XRCC4: variants seen among roughly 807,000 people sequenced by gnomAD.
XRCC4 encodes the protein X-ray repair cross complementing 4, also known as DNA repair protein XRCC4.
A neutral mutation model predicts 39.1 loss-of-function variants in XRCC4; 28 were observed. The ratio of observed to expected loss-of-function variants is 0.72; its 90% CI spans 0.53 to 0.98. The LOEUF is 0.98. Among genes scored for constraint, XRCC4 ranks in the 50% least tolerant of loss-of-function variants. The pLI is 0.00. For missense variants in XRCC4, 350 were observed against 376.4 expected (o/e 0.93, Z 0.58); for synonymous variants, 123 against 126.4 (o/e 0.97, Z 0.18).
At chr5:83,173,456 G>A (rs1166009244) in intron 3 of XRCC4, among the ~76,000 whole-genome samples, 6 of 152,126 alleles carry the variant, frequency 3.9e-5, no homozygotes, top group African/African-American at 1.4e-4. Context: ...ACAGGGGAAA[G>A]GGTGTTGCTT....
At chr5:83,307,098 G>C (rs949815598) in intron 7 of XRCC4, among the ~76,000 whole-genome samples, 3 of 152,184 alleles carry the variant, frequency 2.0e-5, no homozygotes, top group African/African-American at 7.2e-5. Context: ...ATATTGAAAA[G>C]TACAAGACTT....
At chr5:83,243,840 G>T (rs1181659953) in intron 6 of XRCC4, among the ~76,000 whole-genome samples, 1 of 152,118 alleles carries the variant, frequency 6.6e-6, no homozygotes, top group East Asian at 1.9e-4. Context: ...AAACAGGAAG[G>T]TGTGTGTTAG....
intron 6 of XRCC4, among the ~76,000 whole-genome samples, chr5:83,207,940 T>G (rs1414347701): frequency 6.6e-6 from 1 of 152,058 alleles, no homozygotes; most frequent in East Asian, 1.9e-4. Context: ...TATTGCAATT[T>G]CCTGTGTGCT....
chr5:83,150,930 T>C (rs1458527797), intron 3 of XRCC4, among the ~76,000 whole-genome samples: 1 of 152,066 alleles, frequency 6.6e-6, no homozygotes, highest in Non-Finnish European at 1.5e-5. Context: ...TATGAGGGTT[T>C]TGTTTTGTTT....
chr5:83,091,556 C>A (rs1423885777), intron 1 of XRCC4, among the ~76,000 whole-genome samples: 1 of 152,192 alleles, frequency 6.6e-6, no homozygotes, highest in East Asian at 1.9e-4. Flanking sequence ...CACCATTCTA[C>A]TCTCTGCTTC....
intron 7 of XRCC4, among the ~76,000 whole-genome samples, chr5:83,269,901 A>T (rs1366057201): frequency 3.3e-5 from 5 of 152,128 alleles, no homozygotes; most frequent in African/African-American, 7.2e-5. Context: ...ATTCAAGCAC[A>T]TTACATTTAT....
intron 3 of XRCC4, among the ~76,000 whole-genome samples, chr5:83,147,854 G>A (rs1052701753): frequency 2.0e-5 from 3 of 151,186 alleles, no homozygotes; most frequent in Non-Finnish European, 4.4e-5. Flanking sequence ...GCAGTGGCAC[G>A]ATCTTGGCTC....
the XRCC4 span, among the ~76,000 whole-genome samples, chr5:83,371,145 G>A: frequency 6.6e-6 from 1 of 152,002 alleles, no homozygotes; most frequent in Non-Finnish European, 1.5e-5. Flanking sequence ...TTTGTCTTGA[G>A]TATCCCTTCT....
intron 3 of XRCC4, among the ~76,000 whole-genome samples, chr5:83,174,006 A>G (rs552812575): frequency 7.2e-5 from 11 of 152,308 alleles, no homozygotes; most frequent in South Asian, 4.1e-4. Flanking sequence ...CTGGACTTCT[A>G]AAAACTTACC....
At chr5:83,249,597 A>G (rs941684869) in intron 6 of XRCC4, among the ~76,000 whole-genome samples, 1 of 152,164 alleles carries the variant, frequency 6.6e-6, no homozygotes, top group African/African-American at 2.4e-5. Context: ...TGCATTGGCA[A>G]AATGAAGTGG....
At chr5:83,188,283 T>C (rs1381297275) in intron 3 of XRCC4, among the ~76,000 whole-genome samples, 1 of 152,150 alleles carries the variant, frequency 6.6e-6, no homozygotes, top group African/African-American at 2.4e-5. Context: ...GTTGAGTTCC[T>C]TGTAGCCTTT....
At chr5:83,361,768 T>C in the XRCC4 span, among the ~76,000 whole-genome samples, 1 of 151,988 alleles carries the variant, frequency 6.6e-6, no homozygotes, top group East Asian at 1.9e-4. Context: ...ATTATAGGCA[T>C]CTGCCACCAT....
chr5:83,371,945 T>G, the XRCC4 span, among the ~76,000 whole-genome samples: 804 of 152,244 alleles, frequency 5.3e-3, 3 homozygotes, highest in African/African-American at 0.017. Context: ...GTAAGAAAAT[T>G]CCAGAAAGCA....
the XRCC4 span, among the ~76,000 whole-genome samples, chr5:83,361,338 T>G: frequency 4.6e-5 from 7 of 152,296 alleles, no homozygotes; most frequent in Non-Finnish European, 1.0e-4. Context: ...GTCCTAAAGA[T>G]TTTTATGAGT....
chr5:83,096,151 A>G (rs1323539836), intron 1 of XRCC4, among the ~76,000 whole-genome samples: 1 of 151,716 alleles, frequency 6.6e-6, no homozygotes, highest in Non-Finnish European at 1.5e-5. Context: ...AGTTCTCTAC[A>G]TGGGCAGGAT....
chr5:83,077,990 C>G (rs560884085), intron 1 of XRCC4: 2 of 152,396 alleles, frequency 1.3e-5, no homozygotes, highest in Admixed American at 1.3e-4. Flanking sequence ...ACTGGCCTGT[C>G]CTTTCAATCC....
At chr5:83,351,512 A>G (rs574369569) in intron 7 of XRCC4, among the ~76,000 whole-genome samples, 1 of 152,348 alleles carries the variant, frequency 6.6e-6, no homozygotes, top group Non-Finnish European at 1.5e-5. Context: ...TTTTGAGTTG[A>G]CAATGAAAAT....
intron 7 of XRCC4, among the ~76,000 whole-genome samples, chr5:83,271,274 A>C (rs566657116): frequency 2.6e-5 from 4 of 152,148 alleles, no homozygotes. Context: ...ATTCATTCTG[A>C]ATGTTTGGAA....
intron 3 of XRCC4, among the ~76,000 whole-genome samples, chr5:83,128,825 G>A (rs1747409349): frequency 6.6e-6 from 1 of 151,944 alleles, no homozygotes; most frequent in African/African-American, 2.4e-5. Flanking sequence ...GGGGTTGTTT[G>A]ATTTTTTTCT....
Sources: gnomAD v4.1 joint callset for allele counts (sites outside exome capture counted in the v4.1 genomes callset) on GRCh38, gnomAD v4.1.1 for gene constraint, MANE v1.5 for transcripts, NCBI Gene and HGNC (gene_info 2026-07-23, HGNC 2026-07-21) for gene names.